RIMS1: variants seen among roughly 807,000 people sequenced by gnomAD.
RIMS1 encodes the protein regulating synaptic membrane exocytosis protein 1.
Under a neutral mutation model 214.1 loss-of-function variants are expected in RIMS1, and 83 were observed. The observed-to-expected ratio is 0.39, with a 90% CI of 0.32 to 0.47. The LOEUF is 0.47. Among genes scored for constraint, RIMS1 ranks in the 20% least tolerant of loss-of-function variants. The pLI is 0.99. For missense variants in RIMS1, 2,050 were observed against 2,161.8 expected (o/e 0.95, Z 1.03); for synonymous variants, 793 against 786.8 (o/e 1.01, Z -0.13).
At chr6:72,008,788 T>G (rs946879654) in intron 2 of RIMS1, among the ~76,000 whole-genome samples, 6 of 152,118 alleles carry the variant, frequency 3.9e-5, no homozygotes. Context: ...CCTAAATATA[T>G]ATGCATGCAA....
At chr6:72,003,249 A>G (rs553470351) in intron 2 of RIMS1, among the ~76,000 whole-genome samples, 1 of 152,186 alleles carries the variant, frequency 6.6e-6, no homozygotes, top group East Asian at 1.9e-4. Context: ...TTCTTGCCTT[A>G]GTTCTCCTTA....
chr6:72,252,334 A>G (rs1425689286), intron 15 of RIMS1, among the ~76,000 whole-genome samples: 1 of 152,144 alleles, frequency 6.6e-6, no homozygotes, highest in Non-Finnish European at 1.5e-5. Context: ...AAGGGCCCTG[A>G]TGTTTTTTCA....
chr6:72,017,432 T>C (rs1813135132), intron 2 of RIMS1, among the ~76,000 whole-genome samples: 1 of 152,152 alleles, frequency 6.6e-6, no homozygotes, highest in Non-Finnish European at 1.5e-5. Flanking sequence ...ATTTTACCAA[T>C]TGGATGTGAA....
Position 72,206,991 on chromosome 6 carries a change from CTA to C in RIMS1, c.1678+23844_1678+23845del, listed in dbSNP as rs369943278. Among the ~76,000 whole-genome samples the C allele has an allele frequency of 2.2e-3, 331 of 152,156 alleles. 4 individuals are homozygous for C. The highest frequency in any genetic ancestry group is 7.1e-3 in the African/African-American group (293 of 41,496). On this transcript the variant is annotated intron_variant, in intron 6 of 33. Transcript: ENST00000521978. ...TAAATATTGTTTTAGAGGTAGAAGA[CTA>C]TGTGTATTTATATCTTGACACAAAG...
intron 8 of RIMS1, 110 bp downstream of exon 8, chr6:72,235,838 T>G: frequency 2.0e-6 from 1 of 491,656 alleles, no homozygotes; most frequent in Non-Finnish European, 3.5e-6. Context: ...TTTTATATAA[T>G]TTTATTGATA....
intron 1 of RIMS1, 62 bp downstream of exon 1, chr6:71,887,249 A>T (rs1767999699): frequency 6.5e-7 from 1 of 1,546,356 alleles, no homozygotes; most frequent in South Asian, 1.2e-5. Flanking sequence ...TTCACCACTC[A>T]CTCCCCTAGT....
At chr6:71,889,958 A>G (rs1336151977) in intron 1 of RIMS1, among the ~76,000 whole-genome samples, 1 of 152,196 alleles carries the variant, frequency 6.6e-6, no homozygotes, top group Admixed American at 6.5e-5. Flanking sequence ...CACTTGTGTT[A>G]TTGGTGCAGA....
chr6:72,058,558 T>G (rs1211466224), intron 2 of RIMS1, among the ~76,000 whole-genome samples: 1 of 152,222 alleles, frequency 6.6e-6, no homozygotes, highest in Non-Finnish European at 1.5e-5. Context: ...TATGTGTTTG[T>G]GCTCCTAGAG....
intron 27 of RIMS1, among the ~76,000 whole-genome samples, chr6:72,311,436 T>C (rs1169015328): frequency 1.3e-5 from 2 of 152,218 alleles, no homozygotes; most frequent in Non-Finnish European, 2.9e-5. Context: ...AATTTGCTGG[T>C]AAACCATATT....
intron 4 of RIMS1, among the ~76,000 whole-genome samples, chr6:72,107,334 G>A (rs1453047026): frequency 2.0e-5 from 3 of 152,232 alleles, no homozygotes; most frequent in African/African-American, 4.8e-5. Context: ...GCTGCGGGGA[G>A]TGGATCACCT....
At chr6:72,316,342 A>G (rs778515883) in intron 28 of RIMS1, among the ~76,000 whole-genome samples, 2 of 152,142 alleles carry the variant, frequency 1.3e-5, no homozygotes, top group Non-Finnish European at 2.9e-5. Context: ...AGGAAGGGCT[A>G]TTCCAGGCTC....
At chr6:72,393,784 T>G (rs1022787540) in intron 31 of RIMS1, among the ~76,000 whole-genome samples, 1 of 151,942 alleles carries the variant, frequency 6.6e-6, no homozygotes, top group African/African-American at 2.4e-5. Flanking sequence ...ATTGGATTCT[T>G]CAATATACTG....
chr6:72,213,206 T>C, intron 6 of RIMS1: 1 of 1,536,638 alleles, frequency 6.5e-7, no homozygotes, highest in Non-Finnish European at 8.7e-7. Context: ...CAATTGAAGC[T>C]CGACGAGCAG....
chr6:72,129,265 AC>A (rs954468202), intron 4 of RIMS1, among the ~76,000 whole-genome samples: 8 of 152,292 alleles, frequency 5.3e-5, no homozygotes, highest in African/African-American at 1.4e-4. Flanking sequence ...TTCCATAATT[AC>A]CTCAGCAGCA....
At position 72,159,273 on chromosome 6, in the gene RIMS1, C is replaced by T. The variant is rs1170063534; in HGVS notation, c.472-20302C>T. ...TGTTTTTTTCTTGTAAATTTGAGTT[C>T]ACTGTAGATTCTGGATATTAGCCCT... is the stretch of plus-strand genomic sequence containing the variant. On this transcript the variant is annotated intron_variant, in intron 4 of 33. Transcript: ENST00000521978. 6.4e-5 allele frequency among the ~76,000 whole-genome samples: 9 copies of T among 140,094 alleles called. 2 individuals carry two copies. The highest frequency in any genetic ancestry group is 1.5e-4 in the African/African-American group (6 of 40,486). The allele number at this position is 140,094 out of a possible 152,430, so 91.9% of individuals were successfully genotyped here.
At chr6:72,223,910 T>C (rs978681419) in intron 6 of RIMS1, among the ~76,000 whole-genome samples, 1 of 137,568 alleles carries the variant, frequency 7.3e-6, no homozygotes, top group Non-Finnish European at 1.5e-5. Flanking sequence ...ATCGCGCCAC[T>C]GCACTCCAGC....
intron 9 of RIMS1, 58 bp downstream of exon 9, chr6:72,237,980 G>T (rs1302972729): frequency 8.1e-7 from 1 of 1,229,016 alleles, no homozygotes; most frequent in Non-Finnish European, 1.2e-6. Context: ...AACATGAATT[G>T]GTGGTTTTCA....
At chr6:72,160,188 T>C (rs2045141459) in intron 4 of RIMS1, among the ~76,000 whole-genome samples, 1 of 136,668 alleles carries the variant, frequency 7.3e-6, no homozygotes, top group Non-Finnish European at 1.7e-5. Context: ...TCTCTGTTTG[T>C]CTTTTGTTGG....
At chr6:72,210,014 G>A (rs989994611) in intron 6 of RIMS1, among the ~76,000 whole-genome samples, 10 of 152,112 alleles carry the variant, frequency 6.6e-5, no homozygotes, top group Non-Finnish European at 1.2e-4. Flanking sequence ...CTGTCCATCT[G>A]GGTCAGGAAA....
Sources: gnomAD v4.1 joint callset for allele counts (sites outside exome capture counted in the v4.1 genomes callset) on GRCh38, gnomAD v4.1.1 for gene constraint, MANE v1.5 for transcripts, NCBI Gene and HGNC (gene_info 2026-07-23, HGNC 2026-07-21) for gene names.